Variants in EML6 observed in about 807,000 individuals in gnomAD.
The protein encoded by EML6 is echinoderm microtubule-associated protein-like 6.
A neutral mutation model predicts 240.1 loss-of-function variants in EML6; 154 were observed. The observed-to-expected ratio is 0.64, with a 90% CI of 0.56 to 0.73. The LOEUF (loss-of-function observed/expected upper bound fraction) is 0.73, where lower values mean the gene tolerates loss of function less well. Among genes scored for constraint, EML6 ranks in the 30% least tolerant of loss-of-function variants. The pLI, the probability that EML6 is intolerant of heterozygous loss-of-function variation, is 0.00. For missense variants in EML6, 2,964 were observed against 2,474.6 expected (o/e 1.20, Z -4.20); for synonymous variants, 1,148 against 899.0 (o/e 1.28, Z -4.95).
Position 54,725,839 on chromosome 2 carries a change from G to A in EML6, c.197+581G>A, listed in dbSNP as rs1682884379. On this transcript the variant is annotated intron_variant, in intron 2 of 41. Transcript: ENST00000356458. This position sits in a 1 kb window ranked among gnomAD's most constrained non-coding sequence, Gnocchi z 4.3. Reference sequence around the variant, plus strand: ...AAGCATATTTATACACTAAATGGATGCTTCCACAGCATCATTGAGGTTATT... The same window carrying A: ...AAGCATATTTATACACTAAATGGATACTTCCACAGCATCATTGAGGTTATT... 6.6e-6 allele frequency among the ~76,000 whole-genome samples: 1 copy of A among 152,180 alleles called. No individual in the cohort carries two copies. Among genetic ancestry groups the A allele is most frequent in the South Asian group, 2.1e-4 (1 of 4,832 alleles).
chr2:54,814,170 G>T (rs1211123524), intron 3 of EML6, among the ~76,000 whole-genome samples: 1 of 152,110 alleles, frequency 6.6e-6, no homozygotes, highest in Non-Finnish European at 1.5e-5. Context: ...ACTTTTATCC[G>T]TTGTGCCCTC....
intron 15 of EML6, among the ~76,000 whole-genome samples, chr2:54,870,967 G>A (rs1184913643): frequency 6.6e-6 from 1 of 152,122 alleles, no homozygotes; most frequent in Non-Finnish European, 1.5e-5. Context: ...TTTGTTGTTG[G>A]GGATTAGTGT....
At chr2:54,794,371 A>G (rs1669638325) in intron 2 of EML6, among the ~76,000 whole-genome samples, 1 of 152,218 alleles carries the variant, frequency 6.6e-6, no homozygotes. Context: ...TTGATATTAT[A>G]CAAATTTTTC....
chr2:54,957,437 C>T (rs917869479), intron 32 of EML6, among the ~76,000 whole-genome samples: 7 of 149,704 alleles, frequency 4.7e-5, no homozygotes, highest in Non-Finnish European at 8.8e-5. Flanking sequence ...TGTGGGGGGA[C>T]GACTCCTGTG....
At chr2:54,735,859 T>C (rs1425501822) in intron 2 of EML6, among the ~76,000 whole-genome samples, 2 of 152,210 alleles carry the variant, frequency 1.3e-5, no homozygotes, top group Non-Finnish European at 2.9e-5. Flanking sequence ...CAGCTCTAAC[T>C]AAATTTGTCT....
At chr2:54,731,574 A>T (rs1204491128) in intron 2 of EML6, among the ~76,000 whole-genome samples, 1 of 151,900 alleles carries the variant, frequency 6.6e-6, no homozygotes, top group African/African-American at 2.4e-5. Context: ...CTGTGATCAC[A>T]CCATTGCACT....
intron 2 of EML6, among the ~76,000 whole-genome samples, chr2:54,795,360 A>T (rs908246751): frequency 6.6e-6 from 1 of 152,184 alleles, no homozygotes; most frequent in Non-Finnish European, 1.5e-5. Flanking sequence ...TCTTGTGAGA[A>T]ATCACTATCA....
intron 2 of EML6, among the ~76,000 whole-genome samples, chr2:54,811,207 T>G (rs1667825961): frequency 6.6e-6 from 1 of 152,120 alleles, no homozygotes; most frequent in Non-Finnish European, 1.5e-5. Context: ...TCATCACTGC[T>G]AGGATTACCT....
In EML6 at chr2:54,873,264, CAT is replaced by C. The variant is rs1573042934; in HGVS notation, c.2344+1660_2344+1661del. 2.0e-5 allele frequency among the ~76,000 whole-genome samples: 3 copies of C among 152,270 alleles called. No individual in the cohort carries two copies. The East Asian group carries it at 5.8e-4, about 29-fold the overall frequency. Reference sequence around the variant, plus strand: ...ACTCTACAAATCTGAGCTGCTGTATCATTATTAGAAGTTATTCAGTGCCTTCA... The same window carrying C: ...ACTCTACAAATCTGAGCTGCTGTATCTATTAGAAGTTATTCAGTGCCTTCA... On this transcript the variant is annotated intron_variant, in intron 16 of 41. Transcript: ENST00000356458.
intron 2 of EML6, among the ~76,000 whole-genome samples, chr2:54,766,894 A>C (rs1668207615): frequency 6.6e-6 from 1 of 151,144 alleles, no homozygotes; most frequent in Non-Finnish European, 1.5e-5. Context: ...TGTACAGTAA[A>C]TAACATTTAT....
chr2:54,952,604 C>T lies in EML6; in HGVS notation c.4224C>T (p.Ser1408=), dbSNP rs967937789. Residue 1408 remains serine (S), a synonymous_variant, in exon 31 of 42, where the codon AGC becomes AGT. Transcript: ENST00000356458. ...ATCTCTCTCCCCCAGGGAGCCAGAG[C>T]TTCTATCTGGAGCACACAGATGACA... ...IVQNLSTGSQ[S]FYLEHTDDIL... The T allele has an allele frequency of 2.6e-6, 4 of 1,550,234 alleles. No homozygotes were observed. The highest frequency in any genetic ancestry group is 1.4e-5 in the African/African-American group (1 of 73,014).
At chr2:54,938,098 C>G (rs939208734) in intron 28 of EML6, among the ~76,000 whole-genome samples, 25 of 152,306 alleles carry the variant, frequency 1.6e-4, no homozygotes, top group African/African-American at 6.0e-4. Flanking sequence ...GTAATCCTAG[C>G]ACATTGGGAG....
chr2:54,967,094 C>G lies in EML6; in HGVS notation c.5588C>G (p.Ser1863Cys). The G allele has an allele frequency of 6.5e-7, 1 of 1,549,416 alleles. No individual in the cohort carries two copies. Among genetic ancestry groups the G allele is most frequent in the Non-Finnish European group, 8.7e-7 (1 of 1,145,072 alleles). Residue 1863 changes from serine (S) to cysteine (C), a missense_variant, in exon 39 of 42, where the codon TCC (serine) becomes TGC (cysteine). Coordinates refer to ENST00000356458, the MANE Select transcript of EML6 (RefSeq NM_001039753.4). Reference sequence around the variant, plus strand: ...GTCATTGAGAAGATCACCTGGGCCTCCTGGACAAGGTGACTGACTGGAAGA... The same window carrying G: ...GTCATTGAGAAGATCACCTGGGCCTGCTGGACAAGGTGACTGACTGGAAGA... ...AVVIEKITWA[S>C]WTSVLGDEVI...
At chr2:54,804,980 A>G (rs1373353003) in intron 2 of EML6, among the ~76,000 whole-genome samples, 1 of 152,150 alleles carries the variant, frequency 6.6e-6, no homozygotes, top group East Asian at 1.9e-4. Flanking sequence ...GCTTTAGGTT[A>G]TATTTTCATA....
intron 2 of EML6, among the ~76,000 whole-genome samples, chr2:54,763,420 A>T (rs551524177): frequency 2.0e-5 from 3 of 152,334 alleles, no homozygotes; most frequent in African/African-American, 7.2e-5. Context: ...GAATTTTTGA[A>T]TGTTTATAGA....
intron 22 of EML6, among the ~76,000 whole-genome samples, chr2:54,900,259 C>G (rs1461470382): frequency 6.6e-6 from 1 of 152,132 alleles, no homozygotes; most frequent in East Asian, 1.9e-4. Flanking sequence ...ATTCAGCAAA[C>G]ATTTATTAAG....
intron 4 of EML6, among the ~76,000 whole-genome samples, chr2:54,819,131 G>T (rs1490994008): frequency 6.6e-6 from 1 of 152,164 alleles, no homozygotes; most frequent in African/African-American, 2.4e-5. Flanking sequence ...TTTCTTCAGT[G>T]ATCTTTCTGG....
At chr2:54,930,756 C>T (rs895551946) in intron 28 of EML6, among the ~76,000 whole-genome samples, 4 of 152,154 alleles carry the variant, frequency 2.6e-5, no homozygotes, top group African/African-American at 9.7e-5. Context: ...AGAGCACACA[C>T]TGCCAGCTGC....
At chr2:54,778,988 A>G (rs1668726536) in intron 2 of EML6, among the ~76,000 whole-genome samples, 1 of 152,148 alleles carries the variant, frequency 6.6e-6, no homozygotes, top group Non-Finnish European at 1.5e-5. Flanking sequence ...TACAATTATG[A>G]TAGTAAGAAT....
Sources: allele counts gnomAD v4.1 joint callset (sites outside exome capture counted in the v4.1 genomes callset), GRCh38; gene constraint gnomAD v4.1.1; non-coding constraint Gnocchi (gnomAD v3.1); transcripts MANE v1.5; gene names NCBI Gene and HGNC (gene_info 2026-07-23, HGNC 2026-07-21).